The following VIT variants were observed in gnomAD, a reference collection of about 807,000 sequenced individuals.
VIT encodes vitrin.
A neutral mutation model predicts 78.0 loss-of-function variants in VIT; 99 were observed. That is an observed-to-expected ratio of 1.27 (90% confidence interval 1.08 to 1.50). The LOEUF (loss-of-function observed/expected upper bound fraction) is 1.50. VIT is among the 40% of genes most tolerant of loss of function. VIT has a pLI of 0.00. For synonymous variants in VIT, 374 were observed against 334.3 expected (o/e 1.12, Z -1.29); for missense variants, 1,126 against 875.3 (o/e 1.29, Z -3.61).
At position 36,781,721 on chromosome 2, in the gene VIT, A is replaced by G. The variant is rs369576352; in HGVS notation, c.803-6A>G. On this transcript the variant is annotated splice_region_variant and splice_polypyrimidine_tract_variant and intron_variant, in intron 9 of 15. Transcript: ENST00000379242. ...AAGTTTGTTTCTTTTCAATTTTGAA[A>G]ATCAGGAGAGATGGACTCATGGAAA... 61 of 1,614,076 alleles carry G rather than the reference A, an allele frequency of 3.8e-5. No individual in the cohort carries two copies. The highest frequency in any genetic ancestry group is 4.9e-5 in the Non-Finnish European group (58 of 1,180,034).
In VIT at chr2:36,812,673, T is replaced by C. The variant is rs1048796850; in HGVS notation, c.1904-1510T>C. ...AAATAAAACATTTTCTGTGACTCCA[T>C]GTTCTGCTCCAGTTACCACCTACTG... On this transcript the variant is annotated intron_variant, in intron 15 of 15. Coordinates refer to ENST00000379242, the MANE Select transcript of VIT (RefSeq NM_053276.4). 3.9e-5 allele frequency among the ~76,000 whole-genome samples: 6 copies of C among 152,094 alleles called. 1 individual carries two copies. The highest frequency in any genetic ancestry group is 1.4e-4 in the African/African-American group (6 of 41,426).
chr2:36,780,640 G>A (rs1365164592), intron 9 of VIT, among the ~76,000 whole-genome samples: 1 of 152,210 alleles, frequency 6.6e-6, no homozygotes, highest in Non-Finnish European at 1.5e-5. Flanking sequence ...ACCAGAATGT[G>A]CAGTAACAGA....
chr2:36,795,688 T>C (rs1407068116), intron 12 of VIT, among the ~76,000 whole-genome samples: 2 of 152,180 alleles, frequency 1.3e-5, no homozygotes, highest in African/African-American at 4.8e-5. Context: ...GTGCTGGGAT[T>C]ACAGGCGCCC....
At chr2:36,809,886 C>A (rs1436955021) in intron 15 of VIT, among the ~76,000 whole-genome samples, 1 of 149,946 alleles carries the variant, frequency 6.7e-6, no homozygotes, top group Non-Finnish European at 1.5e-5. Context: ...AGCTACTCGG[C>A]AGGCTGAGGT....
chr2:36,713,708 G>T (rs1249776545), intron 1 of VIT, among the ~76,000 whole-genome samples: 1 of 152,148 alleles, frequency 6.6e-6, no homozygotes, highest in African/African-American at 2.4e-5. Flanking sequence ...TGAATATAGC[G>T]CCAACAGGAT....
At chr2:36,783,458 T>C (rs1664897027) in intron 11 of VIT, 56 bp downstream of exon 11, 2 of 1,566,738 alleles carry the variant, frequency 1.3e-6, no homozygotes, top group African/African-American at 1.4e-5. Context: ...AACTGCTCTC[T>C]CCTCTCTTCC....
chr2:36,716,412 A>C lies in VIT; in HGVS notation c.42A>C (p.Glu14Asp). 6.2e-7 allele frequency: 1 copy of C among 1,613,954 alleles called. No homozygotes were observed. The highest frequency in any genetic ancestry group is 1.1e-5 in the South Asian group (1 of 91,064). ...VVLTMKASVI[E>D]MFLVLLVTGV... ...TCACTATGAAGGCATCTGTTATTGAAATGTTCCTTGGTAAGTACTTTTATA... is the reference window on the plus strand; with the variant it reads ...TCACTATGAAGGCATCTGTTATTGACATGTTCCTTGGTAAGTACTTTTATA... The change falls in exon 2 of 16, where the codon GAA (glutamate) becomes GAC (aspartate). Residue 14 changes from glutamate (E) to aspartate (D), a missense_variant. Transcript: ENST00000379242.
chr2:36,814,548 A>G lies in VIT; in HGVS notation c.*187A>G, dbSNP rs1667429432. 7 of 715,254 alleles carry G rather than the reference A, an allele frequency of 9.8e-6. No individual in the cohort carries two copies. The highest frequency in any genetic ancestry group is 1.5e-5 in the Non-Finnish European group (7 of 452,666). 44.3% of individuals were successfully genotyped at this position (715,254 alleles called of 1,614,324 possible). A position where few individuals can be genotyped will look rare whatever the true frequency, so the allele number is the denominator to read the frequency against. On this transcript the variant is annotated 3_prime_UTR_variant, in exon 16 of 16. Transcript: ENST00000379242. ...AAAACTTGGAGTTACAAAGATGATC[A>G]CAAACGTATAGAATGAGCCAAAAGG...
intron 14 of VIT, among the ~76,000 whole-genome samples, chr2:36,806,871 A>G (rs1666769549): frequency 6.6e-6 from 1 of 151,890 alleles, no homozygotes; most frequent in African/African-American, 2.4e-5. Context: ...CCCTACCTTC[A>G]TCTCTTGAGC....
At chr2:36,781,916 C>A in intron 10 of VIT, 145 bp downstream of exon 10, 1 of 986,778 alleles carries the variant, frequency 1.0e-6, no homozygotes, top group Non-Finnish European at 1.5e-6. Context: ...ATTTAAGGGT[C>A]CTACAAAGGG....
chr2:36,785,159 C>T (rs1262687543), intron 11 of VIT, among the ~76,000 whole-genome samples: 1 of 152,178 alleles, frequency 6.6e-6, no homozygotes, highest in Non-Finnish European at 1.5e-5. Flanking sequence ...CCCAAAAATA[C>T]TTTATTCCAA....
chr2:36,699,626 G>GTAGGTAGA (rs372689790), intron 1 of VIT, among the ~76,000 whole-genome samples: 11,437 of 141,912 alleles, frequency 0.081, 436 homozygotes, highest in South Asian at 0.1. Context: ...AGATATATAG[G>GTAGGTAGA]TAGATAGATA....
chr2:36,808,909 G>A lies in VIT; in HGVS notation c.1827G>A (p.Arg609=). 1.9e-6 allele frequency: 3 copies of A among 1,614,048 alleles called. No individual in the cohort carries two copies. The highest frequency in any genetic ancestry group is 1.7e-6 in the Non-Finnish European group (2 of 1,179,944). The part of the protein sequence containing the change: ...QLFKKSKPNK[R]KLMILITDGR... Reference sequence around the variant, plus strand: ...TCAAGAAGTCCAAGCCCAACAAGAGGAAGTTAATGATCCTCATCACCGACG... The same window carrying A: ...TCAAGAAGTCCAAGCCCAACAAGAGAAAGTTAATGATCCTCATCACCGACG... Residue 609 remains arginine (R), a synonymous_variant, in exon 15 of 16, where the codon AGG becomes AGA. Transcript: ENST00000379242.
At chr2:36,803,666 G>A (rs1031216140) in intron 13 of VIT, among the ~76,000 whole-genome samples, 10 of 152,224 alleles carry the variant, frequency 6.6e-5, no homozygotes, top group African/African-American at 1.9e-4. Context: ...CATTTCTGCA[G>A]CATCTGTATA....
At chr2:36,705,245 T>C (rs1448356590) in intron 1 of VIT, among the ~76,000 whole-genome samples, 2 of 152,194 alleles carry the variant, frequency 1.3e-5, no homozygotes, top group African/African-American at 4.8e-5. Context: ...GATTTACTGA[T>C]CTTCGTGCCC....
At chr2:36,745,031 T>C (rs1198663488) in intron 4 of VIT, among the ~76,000 whole-genome samples, 1 of 152,168 alleles carries the variant, frequency 6.6e-6, no homozygotes, top group Non-Finnish European at 1.5e-5. Context: ...TTCTTTTGCA[T>C]ATGGATAGCC....
At chr2:36,777,068 G>A (rs1037960933) in intron 9 of VIT, among the ~76,000 whole-genome samples, 12 of 73,512 alleles carry the variant, frequency 1.6e-4, no homozygotes, top group Non-Finnish European at 4.3e-4. Context: ...CAGCCTGGGC[G>A]ACAGAGCGAG....
At position 36,805,310 on chromosome 2, in the gene VIT, A is replaced by AAAG; in HGVS notation, c.1163-126_1163-125insGAA. 11 of 850,400 alleles carry AAAG rather than the reference A, an allele frequency of 1.3e-5. No homozygotes were observed. The African/African-American group carries it at 2.0e-4, about 15-fold the overall frequency. 52.7% of individuals were successfully genotyped at this position (850,400 alleles called of 1,614,324 possible). ...CAGAGCAAGACCCTGTCTCAAAGGA[A>AAAG]AAAAAAAAAAAAAAAAACTAGGGAG... On this transcript the variant is annotated intron_variant, in intron 13 of 15. Transcript: ENST00000379242.
intron 10 of VIT, 95 bp from the exon 11 acceptor site, chr2:36,783,245 G>A (rs1261202341): frequency 6.6e-6 from 8 of 1,206,862 alleles, no homozygotes; most frequent in South Asian, 2.7e-5. Context: ...AAGCCCCCAA[G>A]CTGGGTGTGA....
Sources: allele counts gnomAD v4.1 joint callset (sites outside exome capture counted in the v4.1 genomes callset), GRCh38; gene constraint gnomAD v4.1.1; transcripts MANE v1.5; gene names NCBI Gene and HGNC (gene_info 2026-07-23, HGNC 2026-07-21).